The following LAMA2 variants were observed in gnomAD, a reference collection of about 807,000 sequenced individuals.
LAMA2 encodes laminin subunit alpha-2.
A neutral mutation model predicts 364.8 loss-of-function variants in LAMA2; 269 were observed. The ratio of observed to expected loss-of-function variants is 0.74; its 90% CI spans 0.67 to 0.82. The LOEUF is 0.82. Among genes scored for constraint, LAMA2 ranks in the 40% least tolerant of loss-of-function variants. The pLI is 0.00. For synonymous variants in LAMA2, 1,379 were observed against 1,370.6 expected (o/e 1.01, Z -0.14); for missense variants, 3,807 against 3,873.2 (o/e 0.98, Z 0.45).
At chr6:129,092,630 C>T (rs982819980) in intron 3 of LAMA2, among the ~76,000 whole-genome samples, 1 of 152,180 alleles carries the variant, frequency 6.6e-6, no homozygotes, top group Non-Finnish European at 1.5e-5. Context: ...GTTCCATGCA[C>T]ATCAATTTGC....
chr6:129,342,693 T>G (rs1437928619), intron 30 of LAMA2, among the ~76,000 whole-genome samples: 1 of 152,110 alleles, frequency 6.6e-6, no homozygotes, highest in Non-Finnish European at 1.5e-5. Flanking sequence ...TAATTAAAAT[T>G]GAAGTACCAA....
chr6:129,219,837 G>T (rs1324823465), intron 12 of LAMA2, among the ~76,000 whole-genome samples: 1 of 146,984 alleles, frequency 6.8e-6, no homozygotes. Context: ...TGGGGTGGGG[G>T]GGAGGGGGGA....
chr6:129,481,223 A>C (rs1784329794), intron 54 of LAMA2, 40 bp from the exon 55 acceptor site: 4 of 1,549,920 alleles, frequency 2.6e-6, no homozygotes, highest in African/African-American at 2.7e-5. Flanking sequence ...TTAAATTTTC[A>C]TTTCTAATGG....
intron 1 of LAMA2, among the ~76,000 whole-genome samples, chr6:129,016,842 A>G (rs560991710): frequency 6.6e-6 from 1 of 151,710 alleles, no homozygotes; most frequent in East Asian, 1.9e-4. Context: ...ATTCAAAGGT[A>G]CATTTGTTCA....
intron 56 of LAMA2, among the ~76,000 whole-genome samples, chr6:129,491,348 G>T (rs1784851920): frequency 6.6e-6 from 1 of 152,164 alleles, no homozygotes; most frequent in African/African-American, 2.4e-5. Flanking sequence ...TAATGAAACA[G>T]CCACTAAGGA....
intron 40 of LAMA2, among the ~76,000 whole-genome samples, chr6:129,423,500 G>A (rs1237967695): frequency 6.6e-6 from 1 of 151,726 alleles, no homozygotes; most frequent in African/African-American, 2.4e-5. Context: ...GACTAGCTGG[G>A]CAACATAGCA....
In LAMA2 at chr6:129,270,731, A is replaced by G. The variant is rs147572139; in HGVS notation, c.2430A>G (p.Pro810=). The change falls in exon 17 of 65, where the codon CCA becomes CCG. Residue 810 remains proline, a synonymous_variant. Transcript: ENST00000421865. ...TSEDCQPCAC[P]LNIPSNNFSP... ...AAGACTGTCAACCCTGTGCCTGTCCACTCAATATCCCATCCAATAAGTAAG... is the reference window on the plus strand; with the variant it reads ...AAGACTGTCAACCCTGTGCCTGTCCGCTCAATATCCCATCCAATAAGTAAG... The G allele has an allele frequency of 1.2e-5, 20 of 1,613,116 alleles. No individual in the cohort carries two copies. The highest frequency in any genetic ancestry group is 1.6e-4 in the Middle Eastern group (1 of 6,080).
At chr6:129,159,316 A>G (rs113558151) in intron 8 of LAMA2, among the ~76,000 whole-genome samples, 2,255 of 152,304 alleles carry the variant, frequency 0.015, 48 homozygotes, top group African/African-American at 0.05. Flanking sequence ...GATTTTCTCC[A>G]AACAGCTTTG....
intron 12 of LAMA2, among the ~76,000 whole-genome samples, chr6:129,205,532 A>G (rs995883802): frequency 6.1e-5 from 9 of 147,430 alleles, no homozygotes; most frequent in Admixed American, 3.4e-4. Flanking sequence ...ACACACACAC[A>G]CGTGTGTGAA....
At chr6:129,370,404 T>C (rs1034869622) in intron 34 of LAMA2, among the ~76,000 whole-genome samples, 1 of 152,216 alleles carries the variant, frequency 6.6e-6, no homozygotes, top group Non-Finnish European at 1.5e-5. Flanking sequence ...AAATCAGTCT[T>C]TCCACACAAA....
chr6:129,192,888 A>G, intron 12 of LAMA2, 35 bp downstream of exon 12: 2 of 1,599,532 alleles, frequency 1.3e-6, no homozygotes, highest in Non-Finnish European at 1.7e-6. Context: ...ATTCTGCTTT[A>G]ACTGACTGAT....
At chr6:129,239,758 C>T (rs936543382) in intron 12 of LAMA2, among the ~76,000 whole-genome samples, 1 of 152,154 alleles carries the variant, frequency 6.6e-6, no homozygotes, top group East Asian at 1.9e-4. Context: ...TCAAGCAATC[C>T]TCCTGCCTCA....
At chr6:128,893,664 A>G (rs981410389) in intron 1 of LAMA2, among the ~76,000 whole-genome samples, 19 of 151,954 alleles carry the variant, frequency 1.3e-4, no homozygotes, top group Admixed American at 7.9e-4. Context: ...AAGGGCTCTG[A>G]AACATTCTAT....
intron 14 of LAMA2, among the ~76,000 whole-genome samples, chr6:129,253,133 A>G (rs565618665): frequency 8.6e-4 from 131 of 152,276 alleles, no homozygotes; most frequent in Non-Finnish European, 1.7e-3. Context: ...TATTTTTAAA[A>G]CAATGACATT....
At chr6:129,154,346 A>T (rs1583148510) in intron 7 of LAMA2, among the ~76,000 whole-genome samples, 159 bp from the exon 8 acceptor site, 1 of 152,046 alleles carries the variant, frequency 6.6e-6, no homozygotes, top group East Asian at 1.9e-4. Flanking sequence ...TGGAAGGCAG[A>T]GGTTGCAGTG....
intron 2 of LAMA2, among the ~76,000 whole-genome samples, chr6:129,056,207 CAGA>C (rs1304745107): frequency 3.3e-5 from 5 of 152,146 alleles, no homozygotes; most frequent in Non-Finnish European, 7.4e-5. Context: ...TATTTTTCTT[CAGA>C]AGAAGTGCCA....
intron 18 of LAMA2, among the ~76,000 whole-genome samples, chr6:129,282,645 T>C (rs111853085): frequency 7.4e-4 from 113 of 152,268 alleles, no homozygotes; most frequent in African/African-American, 2.5e-3. Context: ...TATCCCTTTT[T>C]CTCCGTCCTC....
At chr6:129,095,914 C>A (rs768491498) in intron 3 of LAMA2, among the ~76,000 whole-genome samples, 16 of 149,690 alleles carry the variant, frequency 1.1e-4, no homozygotes, top group Non-Finnish European at 2.2e-4. Context: ...CAGAGCAGGA[C>A]GCAGTCTGGA....
chr6:129,174,696 G>T (rs1356988054), intron 9 of LAMA2, among the ~76,000 whole-genome samples: 13 of 152,064 alleles, frequency 8.5e-5, no homozygotes, highest in Non-Finnish European at 2.9e-5. Context: ...GTCAACTCCA[G>T]GAAAGACATT....
Sources: gnomAD v4.1 joint callset for allele counts (sites outside exome capture counted in the v4.1 genomes callset) on GRCh38, gnomAD v4.1.1 for gene constraint, MANE v1.5 for transcripts, NCBI Gene and HGNC (gene_info 2026-07-23, HGNC 2026-07-21) for gene names.